CHST8: variants seen among roughly 807,000 people sequenced by gnomAD.
CHST8 encodes GALNAC-4-ST1.
Under a neutral mutation model 15.0 loss-of-function variants are expected in CHST8, and 10 were observed. That is an observed-to-expected ratio of 0.67 (90% CI 0.41 to 1.13). The LOEUF is 1.13. Among genes scored for constraint, CHST8 ranks in the 50% most tolerant of loss-of-function variants. CHST8 has a pLI of 0.00. For synonymous variants in CHST8, 259 were observed against 256.6 expected (o/e 1.01, Z -0.09); for missense variants, 634 against 608.2 (o/e 1.04, Z -0.45).
intron 2 of CHST8, among the ~76,000 whole-genome samples, chr19:33,674,730 C>G (rs999434335): frequency 2.6e-5 from 4 of 152,184 alleles, no homozygotes; most frequent in Non-Finnish European, 4.4e-5. Flanking sequence ...ACAGGCCACC[C>G]TCCCACCACC....
intron 2 of CHST8, among the ~76,000 whole-genome samples, chr19:33,670,612 C>T (rs778426924): frequency 2.0e-5 from 3 of 152,172 alleles, no homozygotes; most frequent in African/African-American, 2.4e-5. Flanking sequence ...TTTCTGGAAG[C>T]CCTTTCCAGG....
At chr19:33,627,033 T>A (rs1327369744) in intron 1 of CHST8, among the ~76,000 whole-genome samples, 2 of 146,942 alleles carry the variant, frequency 1.4e-5, no homozygotes, top group African/African-American at 2.5e-5. Context: ...CAAGCAATCC[T>A]TCTGCCTCAG....
chr19:33,635,816 CA>C (rs1192156323), intron 1 of CHST8, among the ~76,000 whole-genome samples: 3 of 152,224 alleles, frequency 2.0e-5, no homozygotes, highest in South Asian at 4.2e-4. Context: ...CCTCAAAGGC[CA>C]GGGGTGAGAA....
chr19:33,745,794 C>CCCAGGGGAGAAGGTGAAA (rs60974900), intron 3 of CHST8, among the ~76,000 whole-genome samples: 1 of 151,910 alleles, frequency 6.6e-6, no homozygotes. Flanking sequence ...TGCAGGCAGC[C>CCCAGGGGAGAAGGTGAAA]CCTTGGGTGA....
chr19:33,718,290 C>A (rs1442842510), intron 3 of CHST8, among the ~76,000 whole-genome samples: 1 of 32,658 alleles, frequency 3.1e-5, no homozygotes. Context: ...CCAATCATAG[C>A]TCACTGCTGC....
rs755405424 is a variant in CHST8 at position 33,694,953 on chromosome 19, G to GTTCCC, written c.130+5576_130+5580dup. On this transcript the variant is annotated intron_variant, in intron 3 of 4. Transcript: ENST00000650847. ...CTCCCCTCCCCTCCCTTCCCCTTCT[G>GTTCCC]TTCCCTTCCCTTCCCTTCTTGAGGC... Among the ~76,000 whole-genome samples, 20 of 72,064 alleles carry GTTCCC rather than the reference G, an allele frequency of 2.8e-4. No homozygotes were observed. The East Asian group carries it at 3.9e-3, about 14-fold the overall frequency. 47.3% of individuals were successfully genotyped at this position (72,064 alleles called of 152,430 possible).
chr19:33,638,741 C>G (rs943124663), intron 1 of CHST8, among the ~76,000 whole-genome samples: 4 of 152,168 alleles, frequency 2.6e-5, no homozygotes, highest in Non-Finnish European at 4.4e-5. Context: ...GCCCTGGCAG[C>G]CAGCCAGGGC....
chr19:33,701,509 C>T (rs1253600613), intron 3 of CHST8, among the ~76,000 whole-genome samples: 1 of 151,788 alleles, frequency 6.6e-6, no homozygotes, highest in Non-Finnish European at 1.5e-5. Flanking sequence ...TTCCTAGGGG[C>T]GGGGAAATTA....
intron 3 of CHST8, among the ~76,000 whole-genome samples, chr19:33,762,587 C>A (rs185840457): frequency 6.6e-6 from 1 of 152,224 alleles, no homozygotes; most frequent in Non-Finnish European, 1.5e-5. Flanking sequence ...AGTGTCGCTG[C>A]GCTGGGGGCA....
At chr19:33,632,918 G>A (rs1972141875) in intron 1 of CHST8, among the ~76,000 whole-genome samples, 1 of 151,576 alleles carries the variant, frequency 6.6e-6, no homozygotes, top group African/African-American at 2.4e-5. Context: ...ACAGGTGCAT[G>A]CCACCACACC....
At chr19:33,664,913 T>C (rs1022014166) in intron 1 of CHST8, among the ~76,000 whole-genome samples, 1 of 152,220 alleles carries the variant, frequency 6.6e-6, no homozygotes, top group African/African-American at 2.4e-5. Context: ...TCCATGTTGC[T>C]GCAAATAACA....
intron 3 of CHST8, among the ~76,000 whole-genome samples, chr19:33,762,758 T>A (rs1167721683): frequency 5.3e-5 from 8 of 152,202 alleles, no homozygotes; most frequent in Non-Finnish European, 1.5e-5. Context: ...TTTGGCACAT[T>A]TTACCGATGA....
chr19:33,676,180 T>G (rs769492198), intron 2 of CHST8, among the ~76,000 whole-genome samples: 14 of 152,200 alleles, frequency 9.2e-5, no homozygotes, highest in Non-Finnish European at 2.1e-4. Flanking sequence ...GCTTGCCAAT[T>G]TCAGAATCAG....
chr19:33,679,039 C>G (rs1972849458), intron 2 of CHST8, among the ~76,000 whole-genome samples: 1 of 152,260 alleles, frequency 6.6e-6, no homozygotes, highest in African/African-American at 2.4e-5. Flanking sequence ...GTGCCAGCCA[C>G]AGGGAGAGAG....
chr19:33,635,132 G>A (rs902798031), intron 1 of CHST8, among the ~76,000 whole-genome samples: 2 of 152,130 alleles, frequency 1.3e-5, no homozygotes, highest in East Asian at 1.9e-4. Context: ...TGCACCATGC[G>A]GCCCCCTGAG....
chr19:33,719,881 G>A (rs143362825), intron 3 of CHST8, among the ~76,000 whole-genome samples: 13 of 152,216 alleles, frequency 8.5e-5, no homozygotes, highest in African/African-American at 2.9e-4. Flanking sequence ...CAGCCCGTCC[G>A]TGACCTCTGT....
At chr19:33,711,952 A>G (rs1439059654) in intron 3 of CHST8, among the ~76,000 whole-genome samples, 3 of 152,228 alleles carry the variant, frequency 2.0e-5, no homozygotes, top group Non-Finnish European at 2.9e-5. Flanking sequence ...TTTAAAAATA[A>G]TAAACACTAA....
At chr19:33,643,380 T>A (rs895352991) in intron 1 of CHST8, among the ~76,000 whole-genome samples, 4 of 152,214 alleles carry the variant, frequency 2.6e-5, no homozygotes, top group African/African-American at 4.8e-5. Flanking sequence ...AAAAAAGGCT[T>A]TTAACAAATC....
At chr19:33,722,528 T>C (rs1396625833) in intron 3 of CHST8, among the ~76,000 whole-genome samples, 1 of 152,172 alleles carries the variant, frequency 6.6e-6, no homozygotes, top group Admixed American at 6.5e-5. Context: ...TTTCTTGCAG[T>C]TCGCACACCC....
Sources: allele counts gnomAD v4.1 joint callset (sites outside exome capture counted in the v4.1 genomes callset), GRCh38; gene constraint gnomAD v4.1.1; transcripts MANE v1.5; gene names NCBI Gene and HGNC (gene_info 2026-07-23, HGNC 2026-07-21).